Variants in BCAS3 observed in about 807,000 individuals in gnomAD.
The protein encoded by BCAS3 is BCAS3 microtubule associated cell migration factor.
Under a neutral mutation model 116.1 loss-of-function variants are expected in BCAS3, and 53 were observed. The observed-to-expected ratio is 0.46, with a 90% CI of 0.37 to 0.57. The LOEUF (loss-of-function observed/expected upper bound fraction) is 0.57. Among genes scored for constraint, BCAS3 ranks in the 20% least tolerant of loss-of-function variants. The probability of loss-of-function intolerance (pLI) is 0.00; values close to 1 mark genes in which losing one functional copy is unlikely to be tolerated. For missense variants in BCAS3, 917 were observed against 1,165.4 expected (o/e 0.79, Z 3.10); for synonymous variants, 391 against 408.2 (o/e 0.96, Z 0.51).
chr17:61,027,276 A>G (rs12051671), intron 16 of BCAS3: 14,230 of 433,788 alleles, frequency 0.033, 1,377 homozygotes, highest in African/African-American at 0.23. Context: ...ATTTGAGGAC[A>G]TGATTTATTT....
intron 4 of BCAS3, among the ~76,000 whole-genome samples, chr17:60,694,997 C>T (rs1414823423): frequency 6.6e-6 from 1 of 151,882 alleles, no homozygotes; most frequent in Non-Finnish European, 1.5e-5. Flanking sequence ...AGATTATTTG[C>T]CTTTTTGTGA....
In BCAS3 at chr17:61,343,690, C is replaced by T. The variant is rs954408182; in HGVS notation, c.2426-24637C>T. On this transcript the variant is annotated intron_variant, in intron 22 of 23. Coordinates refer to ENST00000407086, the MANE Select transcript of BCAS3 (RefSeq NM_017679.5). The surrounding 1 kb of genome is among the most constrained non-coding windows in gnomAD (Gnocchi z 5.5). Reference sequence around the variant, plus strand: ...CACCTCTGAGTGTGATCAGATGTCTCTCCTGTCAGATTCCCTTTCCAATAT... The same window carrying T: ...CACCTCTGAGTGTGATCAGATGTCTTTCCTGTCAGATTCCCTTTCCAATAT... Among the ~76,000 whole-genome samples, 1 of 152,238 alleles carries T rather than the reference C, an allele frequency of 6.6e-6. No homozygotes were observed. Among genetic ancestry groups the T allele is most frequent in the Non-Finnish European group, 1.5e-5 (1 of 68,050 alleles).
intron 8 of BCAS3, among the ~76,000 whole-genome samples, chr17:60,872,667 TACACACATAC>T (rs1048617946): frequency 9.7e-4 from 147 of 151,606 alleles, no homozygotes; most frequent in African/African-American, 3.3e-3. Context: ...TGTATGTATA[TACACACATAC>T]ACACACATAC....
At chr17:60,759,923 T>TC (rs2043353856) in intron 6 of BCAS3, among the ~76,000 whole-genome samples, 1 of 152,158 alleles carries the variant, frequency 6.6e-6, no homozygotes, top group South Asian at 2.1e-4. Context: ...CACCTTAGCC[T>TC]CCCAAAACAC....
intron 22 of BCAS3, among the ~76,000 whole-genome samples, chr17:61,345,833 C>T (rs1001515974): frequency 6.6e-6 from 1 of 152,004 alleles, no homozygotes; most frequent in African/African-American, 2.4e-5. Flanking sequence ...CAAGCAGGCT[C>T]CTTGAGGCCA....
chr17:61,373,592 C>T (rs916183526), intron 23 of BCAS3, among the ~76,000 whole-genome samples: 1 of 149,584 alleles, frequency 6.7e-6, no homozygotes, highest in Non-Finnish European at 1.5e-5. Context: ...GGACTATAGG[C>T]GTGTGCCAAC....
intron 7 of BCAS3, chr17:60,851,492 G>A (rs79865671): frequency 0.014 from 7,948 of 559,566 alleles, 268 homozygotes; most frequent in African/African-American, 0.077. Context: ...AAGCGAAGCC[G>A]AAAAAGGCAG....
chr17:60,838,578 C>T (rs568089028), intron 7 of BCAS3, among the ~76,000 whole-genome samples: 66 of 151,672 alleles, frequency 4.4e-4, no homozygotes, highest in African/African-American at 1.5e-3. Flanking sequence ...CTTTCTCCTG[C>T]AAGAAATATT....
intron 13 of BCAS3, among the ~76,000 whole-genome samples, chr17:60,933,183 G>C (rs1235619175): frequency 6.6e-6 from 1 of 151,062 alleles, no homozygotes; most frequent in Non-Finnish European, 1.5e-5. Flanking sequence ...AAAAAAAAAA[G>C]GACCCCATGG....
Position 61,122,787 on chromosome 17 carries a change from T to C in BCAS3, c.2425+38223T>C, listed in dbSNP as rs565826583. Among the ~76,000 whole-genome samples, 9 of 152,306 alleles carry C rather than the reference T, an allele frequency of 5.9e-5. No individual in the cohort carries two copies. Among genetic ancestry groups the C allele is most frequent in the African/African-American group, 2.2e-4 (9 of 41,574 alleles). ...AGAATATGTATATATGATGTTCATATATTTAGCATCTGTTGTCAATACAGC... is the reference window on the plus strand; with the variant it reads ...AGAATATGTATATATGATGTTCATACATTTAGCATCTGTTGTCAATACAGC... On this transcript the variant is annotated intron_variant, in intron 22 of 23. Transcript: ENST00000407086. The surrounding 1 kb of genome is among the most constrained non-coding windows in gnomAD (Gnocchi z 4.6).
At chr17:61,016,777 T>G (rs1195790705) in intron 16 of BCAS3, among the ~76,000 whole-genome samples, 1 of 152,174 alleles carries the variant, frequency 6.6e-6, no homozygotes, top group Non-Finnish European at 1.5e-5. Context: ...TTCTTTCCAA[T>G]GAAAGGAATA....
intron 14 of BCAS3, among the ~76,000 whole-genome samples, chr17:60,976,079 A>G (rs1473533823): frequency 8.6e-6 from 1 of 116,502 alleles, no homozygotes; most frequent in African/African-American, 3.3e-5. Flanking sequence ...CCCAGGCTGG[A>G]GTGCAGTGGC....
Position 61,348,921 on chromosome 17 carries a change from T to A in BCAS3, c.2426-19406T>A, listed in dbSNP as rs2057669715. Among the ~76,000 whole-genome samples, 1 of 151,992 alleles carries A rather than the reference T, an allele frequency of 6.6e-6. No individual in the cohort carries two copies. Among genetic ancestry groups the A allele is most frequent in the Non-Finnish European group, 1.5e-5 (1 of 68,014 alleles). ...GCGCCCACCGCCACACACGGCTAAC[T>A]TTTTGTATTTTTGGTAGAGATGGGG... On this transcript the variant is annotated intron_variant, in intron 22 of 23. Transcript: ENST00000407086. This position sits in a 1 kb window ranked among gnomAD's most constrained non-coding sequence, Gnocchi z 4.5.
intron 19 of BCAS3, among the ~76,000 whole-genome samples, chr17:61,045,976 A>T (rs1431823590): frequency 1.0e-4 from 1 of 9,826 alleles, no homozygotes; most frequent in Non-Finnish European, 1.3e-4. Flanking sequence ...ATATATATAT[A>T]TTATATATAT....
rs1275400758 is a variant in BCAS3, at chr17:61,088,294, AC to A, written c.2425+3731del. Among the ~76,000 whole-genome samples, 2 of 152,212 alleles carry A rather than the reference AC, an allele frequency of 1.3e-5. No individual in the cohort carries two copies. Among genetic ancestry groups the A allele is most frequent in the Non-Finnish European group, 2.9e-5 (2 of 68,038 alleles). ...GCTGAGGAGATCATTTTGGAAATGGACACATTATAGGATTTTAACCTAAGAC... is the reference window on the plus strand; with the variant it reads ...GCTGAGGAGATCATTTTGGAAATGGAACATTATAGGATTTTAACCTAAGAC... On this transcript the variant is annotated intron_variant, in intron 22 of 23. Coordinates refer to ENST00000407086, the MANE Select transcript of BCAS3 (RefSeq NM_017679.5). The surrounding 1 kb of genome is among the most constrained non-coding windows in gnomAD (Gnocchi z 4.2).
intron 22 of BCAS3, among the ~76,000 whole-genome samples, chr17:61,116,950 A>G (rs2075501636): frequency 6.6e-6 from 1 of 152,104 alleles, no homozygotes; most frequent in African/African-American, 2.4e-5. Flanking sequence ...AAGTTTACCT[A>G]TGATGTGTCT....
rs546243729 is a variant in BCAS3, at chr17:60,782,380, C to T, written c.404-25624C>T. Among the ~76,000 whole-genome samples the T allele has an allele frequency of 1.4e-4, 22 of 152,094 alleles. No homozygotes were observed. The South Asian group carries it at 1.7e-3, about 11-fold the overall frequency. On this transcript the variant is annotated intron_variant, in intron 6 of 23. Coordinates refer to ENST00000407086, the MANE Select transcript of BCAS3 (RefSeq NM_017679.5). ...TTAGTATGCTTGAGGTAGGTAGCAT[C>T]TCCAGTTTGCAGATGTGGCAGTTGA...
chr17:60,990,222 G>A lies in BCAS3; in HGVS notation c.1473G>A (p.Gly491=). The A allele has an allele frequency of 6.2e-7, 1 of 1,613,826 alleles. No homozygotes were observed. Among genetic ancestry groups the A allele is most frequent in the Non-Finnish European group, 8.5e-7 (1 of 1,179,846 alleles). The part of the protein sequence containing the change: ...PVPGLSSSPS[G]SPLHGKLNSQ... ...CAGGTCTATCAAGCAGCCCTTCTGG[G>A]TCACCCTTGCATGGTAATTTTCTCT... Residue 491 remains glycine (G), a synonymous_variant, in exon 15 of 24, where the codon GGG becomes GGA. Transcript: ENST00000407086. The surrounding 1 kb of genome is among the most constrained non-coding windows in gnomAD (Gnocchi z 5.1).
intron 7 of BCAS3, among the ~76,000 whole-genome samples, chr17:60,852,790 C>T (rs1322656390): frequency 1.3e-5 from 2 of 152,158 alleles, no homozygotes; most frequent in Admixed American, 1.3e-4. Flanking sequence ...CTAACATTGA[C>T]AATACCAAAT....
Sources: allele counts gnomAD v4.1 joint callset (sites outside exome capture counted in the v4.1 genomes callset), GRCh38; gene constraint gnomAD v4.1.1; non-coding constraint Gnocchi (gnomAD v3.1); transcripts MANE v1.5; gene names NCBI Gene and HGNC (gene_info 2026-07-23, HGNC 2026-07-21).